Variants in ROR2 observed in about 807,000 individuals in gnomAD.
ROR2 encodes tyrosine-protein kinase transmembrane receptor ROR2.
A neutral mutation model predicts 74.9 loss-of-function variants in ROR2; 33 were observed. That is an observed-to-expected ratio of 0.44 (90% confidence interval 0.33 to 0.59). The LOEUF is 0.59. Ranked by LOEUF, ROR2 falls within the 20% of genes least tolerant of loss-of-function variation. ROR2 has a pLI of 0.02. For synonymous variants in ROR2, 586 were observed against 558.7 expected (o/e 1.05, Z -0.69); for missense variants, 1,216 against 1,313.8 (o/e 0.93, Z 1.15).
Position 91,837,547 on chromosome 9 carries a change from C to T in ROR2, c.98-61729G>A, listed in dbSNP as rs138219648. On this transcript the variant is annotated intron_variant, in intron 1 of 8. Coordinates refer to ENST00000375708, the MANE Select transcript of ROR2 (RefSeq NM_004560.4). ...ATTAAAACAATCCCCCTGCTCTTTG[C>T]ACTTTATGAACACTACCCAAAGGTA... Among the ~76,000 whole-genome samples the T allele has an allele frequency of 2.4e-3, 368 of 152,340 alleles. 1 individual carries two copies. The highest frequency in any genetic ancestry group is 8.3e-3 in the African/African-American group (344 of 41,556).
chr9:91,884,549 G>A (rs988567598), intron 1 of ROR2, among the ~76,000 whole-genome samples: 2 of 151,156 alleles, frequency 1.3e-5, no homozygotes, highest in Non-Finnish European at 2.9e-5. Flanking sequence ...CCAATCCCCA[G>A]GCCTGGTTTT....
chr9:91,837,949 C>T lies in ROR2; in HGVS notation c.98-62131G>A, dbSNP rs184060057. 9.7e-4 allele frequency among the ~76,000 whole-genome samples: 148 copies of T among 152,270 alleles called. 1 individual carries two copies. Among genetic ancestry groups the T allele is most frequent in the African/African-American group, 3.3e-3 (138 of 41,542 alleles). On this transcript the variant is annotated intron_variant, in intron 1 of 8. Transcript: ENST00000375708. ...CGAACCATACTTTTCTTTTCATTGT[C>T]GAACTGCCACTTTAAATATGTATTT...
chr9:91,896,338 C>A (rs1157119353), intron 1 of ROR2, among the ~76,000 whole-genome samples: 1 of 152,204 alleles, frequency 6.6e-6, no homozygotes, highest in Non-Finnish European at 1.5e-5. Context: ...CGCTTCCCCA[C>A]AATGCTGTCC....
chr9:91,867,222 G>A lies in ROR2; in HGVS notation c.97+82645C>T, dbSNP rs193275456. 4.3e-4 allele frequency among the ~76,000 whole-genome samples: 66 copies of A among 152,324 alleles called. No homozygotes were observed. In the East Asian group the frequency reaches 0.012, roughly 28 times the overall value. ...GGAGGCTTCCAGCTCTGCTGGAGCA[G>A]GGTGAAGATAAGTATATCTTTCCCC... is the stretch of plus-strand genomic sequence containing the variant. On this transcript the variant is annotated intron_variant, in intron 1 of 8. Transcript: ENST00000375708.
At chr9:91,845,547 T>C (rs986828199) in intron 1 of ROR2, among the ~76,000 whole-genome samples, 4 of 152,030 alleles carry the variant, frequency 2.6e-5, no homozygotes, top group South Asian at 4.1e-4. Context: ...CACCAAAGCA[T>C]GGTTTTAATC....
chr9:91,776,333 C>A (rs1370248577), intron 1 of ROR2, among the ~76,000 whole-genome samples: 1 of 152,192 alleles, frequency 6.6e-6, no homozygotes, highest in Non-Finnish European at 1.5e-5. Flanking sequence ...CATAAATGGG[C>A]GCTGTGGCTT....
At chr9:91,725,747 C>A (rs1243032970) in intron 8 of ROR2, among the ~76,000 whole-genome samples, 5 of 149,902 alleles carry the variant, frequency 3.3e-5, no homozygotes, top group African/African-American at 1.3e-4. Flanking sequence ...CTCTCTCGGC[C>A]TCTATGACAC....
chr9:91,900,651 G>A (rs912602376), intron 1 of ROR2, among the ~76,000 whole-genome samples: 10 of 152,170 alleles, frequency 6.6e-5, no homozygotes, highest in East Asian at 1.9e-4. Flanking sequence ...CGCGGGGCAC[G>A]TCGGTTCCAT....
intron 1 of ROR2, among the ~76,000 whole-genome samples, chr9:91,863,758 G>A (rs1325860020): frequency 1.3e-5 from 2 of 151,996 alleles, no homozygotes; most frequent in Non-Finnish European, 2.9e-5. Flanking sequence ...GGGGGAGATA[G>A]GAGAAAGGGG....
At chr9:91,795,433 C>T (rs1202912174) in intron 1 of ROR2, among the ~76,000 whole-genome samples, 1 of 152,202 alleles carries the variant, frequency 6.6e-6, no homozygotes, top group African/African-American at 2.4e-5. Context: ...TTGTGATTAT[C>T]ATAAAAATAC....
intron 1 of ROR2, among the ~76,000 whole-genome samples, chr9:91,798,467 C>A (rs1310036204): frequency 2.3e-5 from 2 of 85,768 alleles, no homozygotes; most frequent in African/African-American, 5.3e-5. Context: ...ACACCCTGGG[C>A]TCTGTAGGTG....
At chr9:91,778,398 C>T (rs1359937225) in intron 1 of ROR2, among the ~76,000 whole-genome samples, 2 of 152,222 alleles carry the variant, frequency 1.3e-5, no homozygotes, top group Non-Finnish European at 2.9e-5. Flanking sequence ...TGCAACATCT[C>T]CTCGGTGCCT....
intron 1 of ROR2, among the ~76,000 whole-genome samples, chr9:91,918,332 T>C (rs905182544): frequency 2.6e-5 from 4 of 151,192 alleles, no homozygotes; most frequent in Non-Finnish European, 5.9e-5. Context: ...CTTAACAGAC[T>C]TGCAAAGATC....
intron 1 of ROR2, among the ~76,000 whole-genome samples, chr9:91,921,170 A>G (rs1260070931): frequency 1.2e-4 from 19 of 152,206 alleles, no homozygotes; most frequent in Admixed American, 1.2e-3. Flanking sequence ...GGTCCCACAA[A>G]CTGGCCCTGG....
chr9:91,772,379 T>A (rs1448841262), intron 2 of ROR2, among the ~76,000 whole-genome samples: 1 of 152,162 alleles, frequency 6.6e-6, no homozygotes, highest in Non-Finnish European at 1.5e-5. Context: ...AGCCCTTTCA[T>A]CCCGCCTATG....
chr9:91,768,093 T>C (rs530715540), intron 2 of ROR2, among the ~76,000 whole-genome samples: 3 of 152,192 alleles, frequency 2.0e-5, no homozygotes, highest in Non-Finnish European at 4.4e-5. Context: ...CAGAGCACCA[T>C]GGGCACCAAG....
chr9:91,740,565 A>AATATATATATGTATATATATATATAC (rs1564243698), intron 4 of ROR2, among the ~76,000 whole-genome samples: 1 of 142,568 alleles, frequency 7.0e-6, no homozygotes, highest in East Asian at 2.0e-4. Context: ...CGGGGGGGGG[A>AATATATATATGTATATATATATATAC]ATATATATAT....
chr9:91,746,261 G>C (rs559947970), intron 4 of ROR2, among the ~76,000 whole-genome samples: 1 of 152,146 alleles, frequency 6.6e-6, no homozygotes, highest in East Asian at 1.9e-4. Flanking sequence ...ATTTTTAGTA[G>C]AAAGAGGGTT....
Position 91,824,998 on chromosome 9 carries a change from G to A in ROR2, c.98-49180C>T, listed in dbSNP as rs542038043. Among the ~76,000 whole-genome samples the A allele has an allele frequency of 9.8e-5, 15 of 152,366 alleles. No homozygotes were observed. The East Asian group carries it at 2.3e-3, about 23-fold the overall frequency. On this transcript the variant is annotated intron_variant, in intron 1 of 8. Transcript: ENST00000375708. ...GGGGGGCGATCTGGGCTTGGGTCCT[G>A]TTCCCAAGTCAGACAGGCCACAGGG...
Sources: gnomAD v4.1 joint callset for allele counts (sites outside exome capture counted in the v4.1 genomes callset) on GRCh38, gnomAD v4.1.1 for gene constraint, MANE v1.5 for transcripts, NCBI Gene and HGNC (gene_info 2026-07-23, HGNC 2026-07-21) for gene names.